Variants in DHCR24 observed in about 807,000 individuals in gnomAD.
The protein encoded by DHCR24 is 24-dehydrocholesterol reductase.
DHCR24 carries 28 observed loss-of-function variants against 61.2 expected under a neutral mutation model. The ratio of observed to expected loss-of-function variants is 0.46; its 90% CI spans 0.34 to 0.63. DHCR24 has a LOEUF of 0.63. Ranked by LOEUF, DHCR24 falls within the 20% of genes least tolerant of loss-of-function variation. The probability of loss-of-function intolerance (pLI) is 0.01; values close to 1 mark genes in which losing one functional copy is unlikely to be tolerated. For missense variants in DHCR24, 538 were observed against 679.1 expected, an observed-to-expected ratio of 0.79 and a Z score of 2.31; for synonymous variants, 261 against 275.9, an observed-to-expected ratio of 0.95 and a Z score of 0.54.
chr1:54,854,153 G>T lies in DHCR24; in HGVS notation c.1102C>A (p.Leu368Met). 1.2e-6 allele frequency: 2 copies of T among 1,614,140 alleles called. No individual in the cohort carries two copies. Among genetic ancestry groups the T allele is most frequent in the Non-Finnish European group, 1.7e-6 (2 of 1,179,976 alleles). ...MVPPKISLLK[L>M]TQGETLRKLY... ...TTGCGCAGGGTCTCACCCTGGGTCA[G>T]CTTCAGGAGGGAGATCTTGGGAGGC... Residue 368 changes from leucine to methionine, a missense_variant, in exon 7 of 9, where the codon CTG (leucine) becomes ATG (methionine). By Grantham distance (15) the Leu-to-Met change is conservative. Coordinates refer to ENST00000371269, the MANE Select transcript of DHCR24 (RefSeq NM_014762.4).
intron 4 of DHCR24, among the ~76,000 whole-genome samples, chr1:54,872,184 T>A (rs1452161669): frequency 3.3e-5 from 5 of 152,110 alleles, no homozygotes; most frequent in Non-Finnish European, 5.9e-5. Context: ...ACCAAAGTCT[T>A]CCCAGAAAAG....
intron 6 of DHCR24, among the ~76,000 whole-genome samples, chr1:54,855,859 A>G (rs943338530): frequency 1.2e-4 from 19 of 152,266 alleles, no homozygotes; most frequent in Non-Finnish European, 2.5e-4. Context: ...CCCATAGTAC[A>G]AAAGTTAAGC....
intron 2 of DHCR24, among the ~76,000 whole-genome samples, chr1:54,877,376 A>G (rs1296887155): frequency 6.6e-6 from 1 of 151,770 alleles, no homozygotes; most frequent in Non-Finnish European, 1.5e-5. Context: ...TTCTACTTCT[A>G]GCCGAAGTGG....
Position 54,883,968 on chromosome 1 carries a change from T to G in DHCR24, c.232-195A>C, listed in dbSNP as rs920402520. On this transcript the variant is annotated intron_variant, in intron 1 of 8. Coordinates refer to ENST00000371269, the MANE Select transcript of DHCR24 (RefSeq NM_014762.4). The surrounding 1 kb of genome is among the most constrained non-coding windows in gnomAD (Gnocchi z 4.3). ...AAGGCTGACAGAAAAGCCAACATAT[T>G]GCTACACCACAAGGCAGAATGATGA... Among the ~76,000 whole-genome samples, 1 of 152,198 alleles carries G rather than the reference T, an allele frequency of 6.6e-6. No homozygotes were observed. The highest frequency in any genetic ancestry group is 1.5e-5 in the Non-Finnish European group (1 of 68,040).
rs572015664 is a variant in DHCR24, at chr1:54,868,252, C to CCT, written c.877-2807_877-2806insAG. On this transcript the variant is annotated intron_variant, in intron 5 of 8. Transcript: ENST00000371269. ...TTGGGAGGCCGAGGTGGGTGGATCACGAGGTCAGGAGATCGAGACAATCCT... is the reference window on the plus strand; with the variant it reads ...TTGGGAGGCCGAGGTGGGTGGATCACCTGAGGTCAGGAGATCGAGACAATCCT... Among the ~76,000 whole-genome samples the CCT allele has an allele frequency of 1.9e-4, 29 of 152,242 alleles. 1 individual carries two copies. In the South Asian group the frequency reaches 5.6e-3, roughly 29 times the overall value.
chr1:54,855,294 T>G (rs558598350), intron 6 of DHCR24, among the ~76,000 whole-genome samples: 8 of 151,104 alleles, frequency 5.3e-5, no homozygotes, highest in African/African-American at 2.0e-4. Flanking sequence ...CTCAGGAGGC[T>G]GAGGCAGGAG....
At chr1:54,855,000 C>G (rs1337375430) in intron 6 of DHCR24, among the ~76,000 whole-genome samples, 2 of 152,184 alleles carry the variant, frequency 1.3e-5, no homozygotes, top group African/African-American at 4.8e-5. Context: ...ATCCTCCTCC[C>G]TGCTTGAGTC....
At chr1:54,876,346 A>G (rs186447874) in intron 2 of DHCR24, among the ~76,000 whole-genome samples, 1 of 152,352 alleles carries the variant, frequency 6.6e-6, no homozygotes, top group African/African-American at 2.4e-5. Context: ...GCAAAAGTGA[A>G]GAAGAAAACA....
intron 5 of DHCR24, among the ~76,000 whole-genome samples, chr1:54,865,746 A>AT (rs1165405923): frequency 6.6e-6 from 1 of 152,164 alleles, no homozygotes; most frequent in Non-Finnish European, 1.5e-5. Flanking sequence ...TAACAGAGTT[A>AT]AACATTTAAC....
chr1:54,852,224 G>A lies in DHCR24; in HGVS notation c.*9C>T. On this transcript the variant is annotated 3_prime_UTR_variant, in exon 9 of 9. Coordinates refer to ENST00000371269, the MANE Select transcript of DHCR24 (RefSeq NM_014762.4). ...TCACACGTGTCTGTCTCTCCAGGCG[G>A]GCTCCAGCTCAGTGCCTGGCGGCCT... The A allele has an allele frequency of 6.2e-7, 1 of 1,614,164 alleles. No homozygotes were observed. The highest frequency in any genetic ancestry group is 8.5e-7 in the Non-Finnish European group (1 of 1,180,046).
rs559513875 is a variant in DHCR24, at chr1:54,853,759, C to T, written c.1219-147G>A. On this transcript the variant is annotated intron_variant, in intron 7 of 8. Transcript: ENST00000371269. Reference sequence around the variant, plus strand: ...CTCTCAGCTTCACTGCCCCGCCCCCCAGCCCTGGCTGAGAACACCCTGACT... The same window carrying T: ...CTCTCAGCTTCACTGCCCCGCCCCCTAGCCCTGGCTGAGAACACCCTGACT... 266 of 999,952 alleles carry T rather than the reference C, an allele frequency of 2.7e-4. No individual in the cohort carries two copies. In the African/African-American group the frequency reaches 3.9e-3, roughly 14 times the overall value. 61.9% of individuals were successfully genotyped at this position (999,952 alleles called of 1,614,324 possible).
At chr1:54,853,838 AC>A (rs1646891703) in intron 7 of DHCR24, among the ~76,000 whole-genome samples, 198 bp downstream of exon 7, 1 of 151,944 alleles carries the variant, frequency 6.6e-6, no homozygotes, top group Admixed American at 6.6e-5. Context: ...TCGATGCCAG[AC>A]CCTATGACTC....
At position 54,875,032 on chromosome 1, in the gene DHCR24, A is replaced by G. The variant is rs111474832; in HGVS notation, c.612+61T>C. ...CACACCTAGAGGAGCCACCTCCCTG[A>G]CCTCAGGATCCTTAATGCCCAGAGC... On this transcript the variant is annotated intron_variant, in intron 4 of 8. Transcript: ENST00000371269. 4 of 1,439,818 alleles carry G rather than the reference A, an allele frequency of 2.8e-6. No homozygotes were observed. In the African/African-American group the frequency reaches 5.6e-5, roughly 20 times the overall value. 89.2% of individuals were successfully genotyped at this position (1,439,818 alleles called of 1,614,324 possible). A position where few individuals can be genotyped will look rare whatever the true frequency, so the allele number is the denominator to read the frequency against.
chr1:54,870,344 T>A (rs1347765293), intron 5 of DHCR24, among the ~76,000 whole-genome samples: 1 of 152,244 alleles, frequency 6.6e-6, no homozygotes, highest in African/African-American at 2.4e-5. Flanking sequence ...TTTCTTTATA[T>A]ATTTCAGCAT....
rs1337044717 is a variant in DHCR24, at chr1:54,850,445, TA to T, written c.*1787del. ...CTGCCCCCTCCAGAGGCCAAATGGG[TA>T]GGGTGGTTCCTTTGCCTTCTGAGTG... On this transcript the variant is annotated 3_prime_UTR_variant, in exon 9 of 9. Transcript: ENST00000371269. 1 of 152,226 alleles carries T rather than the reference TA, an allele frequency of 6.6e-6. No homozygotes were observed. Among genetic ancestry groups the T allele is most frequent in the Non-Finnish European group, 1.5e-5 (1 of 68,058 alleles). The allele number at this position is 152,226 out of a possible 1,614,324, so 9.4% of individuals were successfully genotyped here.
chr1:54,885,247 C>T (rs1377676299), intron 1 of DHCR24, among the ~76,000 whole-genome samples: 1 of 152,252 alleles, frequency 6.6e-6, no homozygotes. Flanking sequence ...GATTCCACGA[C>T]CAACCAGGTC....
intron 1 of DHCR24, among the ~76,000 whole-genome samples, chr1:54,886,144 A>G (rs1255924580): frequency 6.6e-6 from 1 of 152,080 alleles, no homozygotes; most frequent in African/African-American, 2.4e-5. Context: ...AAGCAGAGGG[A>G]GTCAAGAAAC....
chr1:54,873,219 A>G (rs1201711329), intron 4 of DHCR24, among the ~76,000 whole-genome samples: 1 of 152,250 alleles, frequency 6.6e-6, no homozygotes, highest in African/African-American at 2.4e-5. Context: ...TGGAGCTGAA[A>G]AAGTCCTGTT....
At chr1:54,859,175 C>A (rs760486278) in intron 6 of DHCR24, among the ~76,000 whole-genome samples, 19 of 152,132 alleles carry the variant, frequency 1.2e-4, no homozygotes, top group Non-Finnish European at 2.2e-4. Context: ...CATGAGGTCA[C>A]TGGAGGAACC....
Sources: allele counts gnomAD v4.1 joint callset (sites outside exome capture counted in the v4.1 genomes callset), GRCh38; gene constraint gnomAD v4.1.1; non-coding constraint Gnocchi (gnomAD v3.1); transcripts MANE v1.5; gene names NCBI Gene and HGNC (gene_info 2026-07-23, HGNC 2026-07-21).